Variants in PRKD1 observed in about 807,000 individuals in gnomAD.
PRKD1 encodes serine/threonine-protein kinase D1.
PRKD1 carries 63 observed loss-of-function variants against 95.9 expected under a neutral mutation model. The ratio of observed to expected loss-of-function variants is 0.66; its 90% CI spans 0.54 to 0.81. The LOEUF (loss-of-function observed/expected upper bound fraction) is 0.81, where lower values mean the gene tolerates loss of function less well. PRKD1 is among the 30% of genes least tolerant of loss of function. PRKD1 has a pLI of 0.00. For synonymous variants in PRKD1, 425 were observed against 423.1 expected (o/e 1.00, Z -0.05); for missense variants, 1,048 against 1,165.3 (o/e 0.90, Z 1.47).
chr14:29,743,269 C>T (rs949768592), intron 1 of PRKD1, among the ~76,000 whole-genome samples: 13 of 151,970 alleles, frequency 8.6e-5, no homozygotes, highest in Admixed American at 6.6e-4. Flanking sequence ...AAACTGGGAG[C>T]GCAGAAGAGG....
At chr14:29,616,857 T>C (rs144730146) in intron 13 of PRKD1, among the ~76,000 whole-genome samples, 2 of 152,266 alleles carry the variant, frequency 1.3e-5, no homozygotes, top group Admixed American at 6.5e-5. Flanking sequence ...TATAGTTGAA[T>C]TGAGTGTTGT....
intron 2 of PRKD1, among the ~76,000 whole-genome samples, chr14:29,681,810 T>C (rs4981054): frequency 0.22 from 33,775 of 152,154 alleles, 3,792 homozygotes; most frequent in African/African-American, 0.25. Flanking sequence ...TCATGGATCA[T>C]AGCTTTAATT....
chr14:29,605,965 A>G (rs1257808736), intron 13 of PRKD1, among the ~76,000 whole-genome samples: 1 of 152,160 alleles, frequency 6.6e-6, no homozygotes, highest in Non-Finnish European at 1.5e-5. Context: ...TTAGTCGGAA[A>G]TTTCAGGAGT....
chr14:29,922,897 T>G (rs1895171942), intron 1 of PRKD1, among the ~76,000 whole-genome samples: 1 of 151,926 alleles, frequency 6.6e-6, no homozygotes, highest in Non-Finnish European at 1.5e-5. Context: ...AAAAATAAAA[T>G]TAGAGTACTA....
chr14:29,725,473 C>T, intron 2 of PRKD1, 63 bp downstream of exon 2: 1 of 1,563,176 alleles, frequency 6.4e-7, no homozygotes, highest in Non-Finnish European at 8.7e-7. Context: ...AAACATATGC[C>T]CAAGAATTCT....
intron 1 of PRKD1, among the ~76,000 whole-genome samples, chr14:29,812,247 C>T (rs541555355): frequency 3.9e-5 from 6 of 152,186 alleles, no homozygotes; most frequent in East Asian, 1.9e-4. Flanking sequence ...AAAGAAAGAC[C>T]GAAGCCCTAT....
intron 1 of PRKD1, among the ~76,000 whole-genome samples, chr14:29,813,182 A>G (rs1183421846): frequency 6.6e-6 from 1 of 152,172 alleles, no homozygotes; most frequent in Non-Finnish European, 1.5e-5. Context: ...AGAAACCACA[A>G]AAATACTCTG....
At chr14:29,612,817 G>A (rs918772111) in intron 13 of PRKD1, among the ~76,000 whole-genome samples, 4 of 152,152 alleles carry the variant, frequency 2.6e-5, no homozygotes, top group Non-Finnish European at 5.9e-5. Flanking sequence ...AATTCATGTA[G>A]GGCGGGCACG....
At chr14:29,609,330 G>C (rs924332885) in intron 13 of PRKD1, among the ~76,000 whole-genome samples, 2 of 152,064 alleles carry the variant, frequency 1.3e-5, no homozygotes, top group African/African-American at 2.4e-5. Flanking sequence ...CCTTGAGGTG[G>C]CTAGCTTATA....
At chr14:29,599,394 C>A (rs1893428798) in intron 14 of PRKD1, among the ~76,000 whole-genome samples, 1 of 152,074 alleles carries the variant, frequency 6.6e-6, no homozygotes, top group Non-Finnish European at 1.5e-5. Flanking sequence ...CTCAAAGAAC[C>A]AAAACTAAAC....
At chr14:29,763,326 A>AG (rs1459693421) in intron 1 of PRKD1, among the ~76,000 whole-genome samples, 4 of 126,734 alleles carry the variant, frequency 3.2e-5, no homozygotes, top group African/African-American at 6.0e-5. Context: ...AAAAGAAAAA[A>AG]GAAGGAAGGA....
chr14:29,752,576 A>C (rs1029570681), intron 1 of PRKD1, among the ~76,000 whole-genome samples: 1 of 150,636 alleles, frequency 6.6e-6, no homozygotes, highest in African/African-American at 2.4e-5. Flanking sequence ...CATATATCTT[A>C]TTATATATAT....
intron 2 of PRKD1, among the ~76,000 whole-genome samples, chr14:29,708,988 G>A (rs1199260559): frequency 6.6e-6 from 1 of 152,048 alleles, no homozygotes; most frequent in Non-Finnish European, 1.5e-5. Context: ...TTTTACTATA[G>A]CATTAATGTG....
intron 1 of PRKD1, among the ~76,000 whole-genome samples, chr14:29,892,615 A>G (rs1301488229): frequency 6.6e-6 from 1 of 152,216 alleles, no homozygotes; most frequent in Non-Finnish European, 1.5e-5. Flanking sequence ...TGGAGAAGGT[A>G]GATGATCAAG....
At chr14:29,632,138 A>C (rs537256342) in intron 9 of PRKD1, among the ~76,000 whole-genome samples, 6 of 152,288 alleles carry the variant, frequency 3.9e-5, no homozygotes, top group Admixed American at 2.0e-4. Flanking sequence ...TACTAAAAAA[A>C]AGAAATCACT....
chr14:29,808,942 T>A (rs1199535007), intron 1 of PRKD1, among the ~76,000 whole-genome samples: 1 of 152,230 alleles, frequency 6.6e-6, no homozygotes, highest in Non-Finnish European at 1.5e-5. Flanking sequence ...AATCACTATA[T>A]CAATGGCAGC....
chr14:29,878,149 A>G (rs1414511901), intron 1 of PRKD1, among the ~76,000 whole-genome samples: 1 of 152,266 alleles, frequency 6.6e-6, no homozygotes, highest in East Asian at 1.9e-4. Context: ...AGCCTACTTA[A>G]GGGTGGAGGG....
At chr14:29,613,582 G>C (rs1297215436) in intron 13 of PRKD1, among the ~76,000 whole-genome samples, 1 of 152,108 alleles carries the variant, frequency 6.6e-6, no homozygotes, top group African/African-American at 2.4e-5. Flanking sequence ...ATTATGCTAA[G>C]GCATGTTCAG....
chr14:29,732,925 T>C (rs867619953), intron 1 of PRKD1, among the ~76,000 whole-genome samples: 3 of 151,566 alleles, frequency 2.0e-5, no homozygotes. Flanking sequence ...TTTTTTTTTT[T>C]TTCAGTTTAT....
Sources: gnomAD v4.1 joint callset for allele counts (sites outside exome capture counted in the v4.1 genomes callset) on GRCh38, gnomAD v4.1.1 for gene constraint, MANE v1.5 for transcripts, NCBI Gene and HGNC (gene_info 2026-07-23, HGNC 2026-07-21) for gene names.